Variants in CEP164 observed in about 807,000 individuals in gnomAD.
The protein encoded by CEP164 is centrosomal protein 164, also known as centrosomal protein of 164 kDa.
CEP164 carries 162 observed loss-of-function variants against 182.7 expected under a neutral mutation model. The ratio of observed to expected loss-of-function variants is 0.89; its 90% confidence interval spans 0.78 to 1.01. The LOEUF (loss-of-function observed/expected upper bound fraction) is 1.01, where lower values mean the gene tolerates loss of function less well. CEP164 is among the 50% of genes least tolerant of loss of function. The pLI, the probability that CEP164 is intolerant of heterozygous loss-of-function variation, is 0.00. For missense variants in CEP164, 1,735 were observed against 1,790.4 expected, an observed-to-expected ratio of 0.97 and a Z score of 0.56; for synonymous variants, 661 against 690.0, an observed-to-expected ratio of 0.96 and a Z score of 0.66.
chr11:117,400,067 A>G (rs1592432715), intron 27 of CEP164, among the ~76,000 whole-genome samples: 2 of 152,202 alleles, frequency 1.3e-5, no homozygotes, highest in African/African-American at 4.8e-5. Context: ...GTCCATGCCT[A>G]TATCCTGAAT....
chr11:117,334,980 G>A (rs918613985), intron 1 of CEP164, among the ~76,000 whole-genome samples: 1 of 151,984 alleles, frequency 6.6e-6, no homozygotes, highest in African/African-American at 2.4e-5. Flanking sequence ...GCACATGCTT[G>A]GGAAGTGCTT....
chr11:117,353,065 C>T (rs568427436), intron 5 of CEP164, among the ~76,000 whole-genome samples: 5 of 152,114 alleles, frequency 3.3e-5, no homozygotes, highest in Non-Finnish European at 5.9e-5. Context: ...TCTCCCAGAA[C>T]GCTGTGGTGG....
At chr11:117,395,860 C>T in intron 24 of CEP164, 138 bp downstream of exon 24, 1 of 1,233,452 alleles carries the variant, frequency 8.1e-7, no homozygotes, top group Non-Finnish European at 1.1e-6. Context: ...CCTGTGGCTA[C>T]ATTTTGTAGG....
intron 4 of CEP164, among the ~76,000 whole-genome samples, chr11:117,347,721 A>AG (rs1008352989): frequency 6.6e-6 from 1 of 151,998 alleles, no homozygotes; most frequent in African/African-American, 2.4e-5. Context: ...AAAAAAAAAA[A>AG]AAAGAATAGC....
chr11:117,344,058 A>C (rs780793867), intron 3 of CEP164, 108 bp from the exon 4 acceptor site: 2 of 640,796 alleles, frequency 3.1e-6, no homozygotes, highest in Non-Finnish European at 5.6e-6. Context: ...TAATTTAAAG[A>C]ATACGATTTT....
Position 117,409,427 on chromosome 11 carries a change from G to C in CEP164, c.3749-191G>C. On this transcript the variant is annotated intron_variant, in intron 29 of 32. Transcript: ENST00000278935. The surrounding 1 kb of genome is among the most constrained non-coding windows in gnomAD (Gnocchi z 4.4). ...TTGCCCTGGAAACCTGTTTCTCATG[G>C]CCAGCTTCTCACTTGCACTGTCTGG... 1 of 608,512 alleles carries C rather than the reference G, an allele frequency of 1.6e-6. No individual in the cohort carries two copies. The highest frequency in any genetic ancestry group is 2.9e-6 in the Non-Finnish European group (1 of 349,600). The allele number at this position is 608,512 out of a possible 1,614,324, so 37.7% of individuals were successfully genotyped here. A position where few individuals can be genotyped will look rare whatever the true frequency, so the allele number is the denominator to read the frequency against.
chr11:117,396,397 T>C (rs2045467245), intron 25 of CEP164, among the ~76,000 whole-genome samples, 153 bp from the exon 26 acceptor site: 1 of 152,200 alleles, frequency 6.6e-6, no homozygotes, highest in Non-Finnish European at 1.5e-5. Context: ...ACCAGTCGTC[T>C]CCACCAGTCA....
In CEP164 at chr11:117,351,938, A is replaced by C; in HGVS notation, c.343A>C (p.Lys115Gln). 1.2e-6 allele frequency: 2 copies of C among 1,612,978 alleles called. No individual in the cohort carries two copies. Among genetic ancestry groups the C allele is most frequent in the Admixed American group, 1.7e-5 (1 of 59,692 alleles). The change falls in exon 5 of 33, where the codon AAA (lysine) becomes CAA (glutamine). Residue 115 changes from lysine to glutamine, a missense_variant. Transcript: ENST00000278935. ...TGGGGCCATTAAGAAGAAGAAAAAA[A>C]AAAAGGAAAAGAAAGACAAGAAGGA... is the stretch of plus-strand genomic sequence containing the variant. ...TSGAIKKKKK[K>Q]KEKKDKKDRD...
intron 5 of CEP164, 36 bp downstream of exon 5, chr11:117,352,024 G>C (rs1233366332): frequency 1.3e-6 from 2 of 1,532,010 alleles, no homozygotes; most frequent in Non-Finnish European, 1.8e-6. Flanking sequence ...GAGAGGCCAG[G>C]GCTGAAATCT....
intron 14 of CEP164, among the ~76,000 whole-genome samples, chr11:117,383,958 C>T (rs929109721): frequency 1.2e-4 from 19 of 152,136 alleles, no homozygotes; most frequent in African/African-American, 4.3e-4. Context: ...ATTGCTTGAA[C>T]CTGGGAGGTG....
chr11:117,354,682 A>G (rs544872977), intron 5 of CEP164, among the ~76,000 whole-genome samples: 1 of 151,812 alleles, frequency 6.6e-6, no homozygotes, highest in Non-Finnish European at 1.5e-5. Context: ...GGGAGTTTTT[A>G]TCTTTTCTTC....
At chr11:117,396,519 C>T (rs1485284483) in intron 25 of CEP164, 31 bp from the exon 26 acceptor site, 1 of 1,591,854 alleles carries the variant, frequency 6.3e-7, no homozygotes, top group Non-Finnish European at 8.6e-7. Context: ...TTTTGCTACA[C>T]TCAGTGGACT....
chr11:117,330,973 C>T (rs2036112169), intron 1 of CEP164, among the ~76,000 whole-genome samples: 1 of 152,236 alleles, frequency 6.6e-6, no homozygotes, highest in South Asian at 2.1e-4. Context: ...AGCTTTTGCT[C>T]ATTACCACTG....
chr11:117,342,498 C>T (rs569655697), intron 3 of CEP164, among the ~76,000 whole-genome samples: 1 of 149,314 alleles, frequency 6.7e-6, no homozygotes, highest in South Asian at 2.1e-4. Flanking sequence ...TTTTTTTGGA[C>T]AGGATTTCAC....
chr11:117,410,099 C>G lies in CEP164; in HGVS notation c.4096+134C>G, dbSNP rs886212614. 3.5e-6 allele frequency: 3 copies of G among 846,820 alleles called. No homozygotes were observed. The African/African-American group carries it at 5.0e-5, about 14-fold the overall frequency. 52.5% of individuals were successfully genotyped at this position (846,820 alleles called of 1,614,324 possible). On this transcript the variant is annotated intron_variant, in intron 30 of 32. Transcript: ENST00000278935. Reference sequence around the variant, plus strand: ...ATCCCTTTGCCACACCTCTCCTCCCCCAACGTTACCATAGTCCATTGGTCC... The same window carrying G: ...ATCCCTTTGCCACACCTCTCCTCCCGCAACGTTACCATAGTCCATTGGTCC...
At chr11:117,339,784 C>T (rs762395530) in intron 3 of CEP164, among the ~76,000 whole-genome samples, 3 of 151,900 alleles carry the variant, frequency 2.0e-5, no homozygotes, top group Admixed American at 6.6e-5. Context: ...CCCACCTCCA[C>T]TTCCCAGAGT....
intron 26 of CEP164, 110 bp downstream of exon 26, chr11:117,396,721 G>C (rs147834357): frequency 1.1e-6 from 1 of 891,658 alleles, no homozygotes; most frequent in African/African-American, 1.6e-5. Context: ...GTGATCACCA[G>C]TGGGGCTTAG....
intron 27 of CEP164, among the ~76,000 whole-genome samples, chr11:117,407,724 A>G (rs1007062314): frequency 6.6e-6 from 1 of 152,142 alleles, no homozygotes; most frequent in Non-Finnish European, 1.5e-5. Context: ...AGGTGTAGGC[A>G]TGGTGTTAAG....
At position 117,395,733 on chromosome 11, in the gene CEP164, C is replaced by T. The variant is rs773782390; in HGVS notation, c.3089+11C>T. On this transcript the variant is annotated intron_variant, in intron 24 of 32. Coordinates refer to ENST00000278935, the MANE Select transcript of CEP164 (RefSeq NM_014956.5). ...GCAGAAACACTTCAGGTGGCGTGGG[C>T]ACCCTGCACTTAGCCCTGCTGGCTG... 2 of 1,600,948 alleles carry T rather than the reference C, an allele frequency of 1.2e-6. No homozygotes were observed. The highest frequency in any genetic ancestry group is 2.7e-5 in the African/African-American group (2 of 74,696).
Sources: allele counts gnomAD v4.1 joint callset (sites outside exome capture counted in the v4.1 genomes callset), GRCh38; gene constraint gnomAD v4.1.1; non-coding constraint Gnocchi (gnomAD v3.1); transcripts MANE v1.5; gene names NCBI Gene and HGNC (gene_info 2026-07-23, HGNC 2026-07-21).